EYS: variants seen among roughly 807,000 people sequenced by gnomAD.
EYS encodes protein eyes shut homolog.
EYS carries 250 observed loss-of-function variants against 282.1 expected under a neutral mutation model. That is an observed-to-expected ratio of 0.89 (90% CI 0.80 to 0.98). The LOEUF (loss-of-function observed/expected upper bound fraction) is 0.98. EYS is among the 50% of genes least tolerant of loss of function. The pLI, the probability that EYS is intolerant of heterozygous loss-of-function variation, is 0.00. For synonymous variants in EYS, 1,355 were observed against 1,282.9 expected, an observed-to-expected ratio of 1.06 and a Z score of -1.20; for missense variants, 4,016 against 3,709.0, an observed-to-expected ratio of 1.08 and a Z score of -2.15.
chr6:64,460,445 T>C (rs1377946643), intron 26 of EYS, among the ~76,000 whole-genome samples: 1 of 152,228 alleles, frequency 6.6e-6, no homozygotes, highest in Non-Finnish European at 1.5e-5. Flanking sequence ...TAATGTATGT[T>C]ACAATTAACA....
intron 41 of EYS, among the ~76,000 whole-genome samples, chr6:63,751,891 T>C (rs757081538): frequency 3.3e-5 from 5 of 152,234 alleles, no homozygotes; most frequent in Admixed American, 6.5e-5. Context: ...GCTATTTTGT[T>C]CTGAATGATC....
At chr6:65,047,374 A>G (rs1773135531) in intron 13 of EYS, among the ~76,000 whole-genome samples, 1 of 151,832 alleles carries the variant, frequency 6.6e-6, no homozygotes, top group Admixed American at 6.6e-5. Context: ...GATCTTGACA[A>G]AGTCCAATTT....
Position 63,894,887 on chromosome 6 carries a change from A to C in EYS, c.7056-30529T>G, listed in dbSNP as rs181094971. Among the ~76,000 whole-genome samples, 1,448 of 152,152 alleles carry C rather than the reference A, an allele frequency of 9.5e-3. 11 individuals carry two copies. Among genetic ancestry groups the C allele is most frequent in the Middle Eastern group, 0.017 (5 of 294 alleles). ...CAGGCCTTAGCCACTGCGCCCGGCCAAATCCTGTTGTTTTAAGCCACTCAG... is the reference window on the plus strand; with the variant it reads ...CAGGCCTTAGCCACTGCGCCCGGCCCAATCCTGTTGTTTTAAGCCACTCAG... On this transcript the variant is annotated intron_variant, in intron 35 of 42. Coordinates refer to ENST00000503581, the MANE Select transcript of EYS (RefSeq NM_001142800.2).
chr6:65,127,701 C>A (rs1775760409), intron 12 of EYS, among the ~76,000 whole-genome samples: 1 of 152,032 alleles, frequency 6.6e-6, no homozygotes, highest in Admixed American at 6.6e-5. Flanking sequence ...TTTACTCAGA[C>A]TTTTAATGAG....
At chr6:64,904,991 A>G (rs1313423740) in intron 16 of EYS, among the ~76,000 whole-genome samples, 1 of 152,162 alleles carries the variant, frequency 6.6e-6, no homozygotes, top group Non-Finnish European at 1.5e-5. Flanking sequence ...GAGATAGCCT[A>G]TGTTTTGGGA....
At chr6:65,239,517 A>T (rs570301666) in intron 12 of EYS, among the ~76,000 whole-genome samples, 16 of 152,232 alleles carry the variant, frequency 1.1e-4, no homozygotes, top group African/African-American at 3.8e-4. Flanking sequence ...CTAGGATTTT[A>T]AAAATTCTTT....
At chr6:64,206,584 C>A (rs1401637555) in intron 31 of EYS, among the ~76,000 whole-genome samples, 1 of 152,044 alleles carries the variant, frequency 6.6e-6, no homozygotes, top group Non-Finnish European at 1.5e-5. Context: ...ATGTGAAAAT[C>A]ATAAAGATTA....
intron 12 of EYS, among the ~76,000 whole-genome samples, chr6:65,160,315 A>G (rs1764822921): frequency 6.6e-6 from 1 of 150,884 alleles, no homozygotes; most frequent in South Asian, 2.1e-4. Flanking sequence ...GACATTTTTA[A>G]ATGTCCTCTC....
chr6:65,520,006 T>C (rs62407701), intron 2 of EYS, among the ~76,000 whole-genome samples: 1 of 136,100 alleles, frequency 7.3e-6, no homozygotes, highest in South Asian at 2.8e-4. Context: ...TATAGATTAA[T>C]TTTACTCTTT....
intron 37 of EYS, among the ~76,000 whole-genome samples, chr6:63,802,733 ATT>A (rs1238060644): frequency 6.6e-6 from 1 of 151,758 alleles, no homozygotes; most frequent in African/African-American, 2.4e-5. Context: ...ATGTACAATT[ATT>A]GTGTCCATTT....
rs980739473 is a variant in EYS at position 65,688,520 on chromosome 6, T to C, written c.-448+18615A>G. Reference sequence around the variant, plus strand: ...GGCAATACCATTCAGGACATAGGCATGGGGAAGGACACCAAAAGCGATGGC... The same window carrying C: ...GGCAATACCATTCAGGACATAGGCACGGGGAAGGACACCAAAAGCGATGGC... On this transcript the variant is annotated intron_variant, in intron 1 of 42. Transcript: ENST00000503581. Among the ~76,000 whole-genome samples the C allele has an allele frequency of 7.2e-5, 11 of 151,840 alleles. No homozygotes were observed. The South Asian group carries it at 1.9e-3, about 26-fold the overall frequency.
At position 64,245,608 on chromosome 6, in the gene EYS, T is replaced by A. The variant is rs1766985107; in HGVS notation, c.6192-14784A>T. Among the ~76,000 whole-genome samples, 3 of 152,210 alleles carry A rather than the reference T, an allele frequency of 2.0e-5. No homozygotes were observed. The South Asian group carries it at 6.2e-4, about 32-fold the overall frequency. ...ATGGCAACCTCTGATCTTTGCAGAT[T>A]TAAGCCACTTCCTTCTTTGTTCAGC... On this transcript the variant is annotated intron_variant, in intron 30 of 42. Transcript: ENST00000503581.
At chr6:63,728,199 T>A (rs1056705773) in intron 41 of EYS, among the ~76,000 whole-genome samples, 6 of 152,152 alleles carry the variant, frequency 3.9e-5, no homozygotes, top group African/African-American at 1.2e-4. Context: ...ATCCCAAGAA[T>A]TACTGTTAAG....
intron 11 of EYS, chr6:65,332,557 T>C (rs1354798725): frequency 4.6e-6 from 3 of 654,772 alleles, no homozygotes; most frequent in Non-Finnish European, 7.8e-6. Context: ...AGAGGGTTTA[T>C]AGTGCTATAT....
chr6:65,140,366 G>A (rs1474895337), intron 12 of EYS, among the ~76,000 whole-genome samples: 9 of 151,988 alleles, frequency 5.9e-5, no homozygotes, highest in Non-Finnish European at 7.4e-5. Flanking sequence ...ATCATGAACT[G>A]AACTTCAGGG....
chr6:65,209,633 C>T (rs78198267), intron 12 of EYS, among the ~76,000 whole-genome samples: 1 of 151,800 alleles, frequency 6.6e-6, no homozygotes, highest in Non-Finnish European at 1.5e-5. Context: ...ATGGAACATA[C>T]ATGTTTGTGG....
At chr6:65,456,015 A>AAGAG (rs1388212355) in intron 5 of EYS, among the ~76,000 whole-genome samples, 2 of 148,462 alleles carry the variant, frequency 1.3e-5, no homozygotes, top group Non-Finnish European at 3.0e-5. Flanking sequence ...GAAAGAAAGA[A>AAGAG]GGAAGGAAGG....
chr6:63,977,355 T>G (rs1766886628), intron 35 of EYS, among the ~76,000 whole-genome samples: 1 of 148,538 alleles, frequency 6.7e-6, no homozygotes, highest in African/African-American at 2.5e-5. Flanking sequence ...TATTGATAAC[T>G]AATAATTTAT....
chr6:64,214,199 G>A (rs79984772), intron 31 of EYS, among the ~76,000 whole-genome samples: 4,269 of 152,026 alleles, frequency 0.028, 65 homozygotes, highest in African/African-American at 0.046. Flanking sequence ...TATTCTTCTC[G>A]TTGTACAAAA....
Sources: allele counts gnomAD v4.1 joint callset (sites outside exome capture counted in the v4.1 genomes callset), GRCh38; gene constraint gnomAD v4.1.1; transcripts MANE v1.5; gene names NCBI Gene and HGNC (gene_info 2026-07-23, HGNC 2026-07-21).